The following VSIG10L2 variants were observed in gnomAD, a reference collection of about 807,000 sequenced individuals.
The protein encoded by VSIG10L2 is V-set and immunoglobulin domain containing 10 like 2, also known as V-set and immunoglobulin domain-containing protein 10-like 2.
VSIG10L2 carries 56 observed loss-of-function variants against 67.1 expected under a neutral mutation model. The observed-to-expected ratio is 0.83, with a 90% CI of 0.67 to 1.04. The LOEUF (loss-of-function observed/expected upper bound fraction) is 1.04, where lower values mean the gene tolerates loss of function less well. Ranked by LOEUF, VSIG10L2 falls within the 50% of genes least tolerant of loss-of-function variation. VSIG10L2 has a pLI of 0.00. For synonymous variants in VSIG10L2, 360 were observed against 396.6 expected (o/e 0.91, Z 1.10); for missense variants, 843 against 932.8 (o/e 0.90, Z 1.25).
chr11:125,955,910 C>T lies in VSIG10L2; in HGVS notation c.2378C>T (p.Pro793Leu). 1 of 661,910 alleles carries T rather than the reference C, an allele frequency of 1.5e-6. No homozygotes were observed. The highest frequency in any genetic ancestry group is 2.7e-6 in the Non-Finnish European group (1 of 367,778). The allele number at this position is 661,910 out of a possible 1,614,324, so 41.0% of individuals were successfully genotyped here. Reference sequence around the variant, plus strand: ...GTCACCATCACAGTGACTGCAACACCATAAGGCCCAAAGAGGAAGATGCAA... The same window carrying T: ...GTCACCATCACAGTGACTGCAACACTATAAGGCCCAAAGAGGAAGATGCAA... ...VNVTITVTAT[P>L] The change falls in exon 12 of 12, where the codon CCA (proline) becomes CTA (leucine). Residue 793 changes from proline (P) to leucine (L), a missense_variant. Pro to Leu is a moderately conservative substitution (Grantham distance 98). Around this residue, in one of 2 missense-constraint regions of VSIG10L2, gnomAD observed 397 missense variants for 384.4 expected, o/e 1.03. Transcript: ENST00000686984.
chr11:125,955,389 C>A (rs1383939746), intron 9 of VSIG10L2, among the ~76,000 whole-genome samples, 93 bp from the exon 10 acceptor site: 1 of 152,208 alleles, frequency 6.6e-6, no homozygotes, highest in African/African-American at 2.4e-5. Context: ...TCCTGAGGCC[C>A]TAGTACAGAG....
At chr11:125,948,653 C>T (rs1401552288) in intron 3 of VSIG10L2, 73 bp downstream of exon 3, 7 of 1,221,640 alleles carry the variant, frequency 5.7e-6, no homozygotes, top group Non-Finnish European at 7.1e-6. Flanking sequence ...CCTTCCACAC[C>T]TCAGAACTCC....
intron 1 of VSIG10L2, chr11:125,947,394 G>GA: frequency 2.0e-6 from 2 of 985,010 alleles, no homozygotes; most frequent in Non-Finnish European, 2.4e-6. Flanking sequence ...TGACGTCCAC[G>GA]AATCTGCCTT....
Position 125,955,283 on chromosome 11 carries a change from G to C in VSIG10L2, c.2206+104G>C, listed in dbSNP as rs898667303. On this transcript the variant is annotated intron_variant, in intron 9 of 11. Transcript: ENST00000686984. ...GCACTCCCGGGGGAGAAGAATCTAGGCTCTTCCTTAATTCAGACCCTCTCC... is the reference window on the plus strand; with the variant it reads ...GCACTCCCGGGGGAGAAGAATCTAGCCTCTTCCTTAATTCAGACCCTCTCC... The C allele has an allele frequency of 1.2e-5, 16 of 1,300,082 alleles. No individual in the cohort carries two copies. In the African/African-American group the frequency reaches 2.4e-4, roughly 20 times the overall value. 80.5% of individuals were successfully genotyped at this position (1,300,082 alleles called of 1,614,324 possible). A position where few individuals can be genotyped will look rare whatever the true frequency, so the allele number is the denominator to read the frequency against.
chr11:125,956,289 C>G lies in VSIG10L2; in HGVS notation c.*375C>G, dbSNP rs754334670. 3.1e-6 allele frequency: 2 copies of G among 635,790 alleles called. No individual in the cohort carries two copies. Among genetic ancestry groups the G allele is most frequent in the Middle Eastern group, 5.7e-4 (2 of 3,512 alleles). 39.4% of individuals were successfully genotyped at this position (635,790 alleles called of 1,614,324 possible). On this transcript the variant is annotated 3_prime_UTR_variant, in exon 12 of 12. Transcript: ENST00000686984. ...AAAAAGTCTGTGGATGGAGCAATTC[C>G]TAAATAAATCAGAGCTGATGTTCAC...
In VSIG10L2 at chr11:125,951,011, T is replaced by G; in HGVS notation, c.1087T>G (p.Trp363Gly). Residue 363 changes from tryptophan (W) to glycine (G), a missense_variant, in exon 5 of 12, where the codon TGG becomes GGG. Coordinates refer to ENST00000686984, the MANE Select transcript of VSIG10L2 (RefSeq NM_001365077.2). ...PGGLPPAQLQ[W>G]EGPQGPGPTA... Reference sequence around the variant, plus strand: ...GGGGCTTCCGCCTGCCCAACTGCAGTGGGAAGGGCCTCAGGGACCTGGCCC... The same window carrying G: ...GGGGCTTCCGCCTGCCCAACTGCAGGGGGAAGGGCCTCAGGGACCTGGCCC... The G allele has an allele frequency of 1.6e-6, 2 of 1,232,344 alleles. No individual in the cohort carries two copies. Among genetic ancestry groups the G allele is most frequent in the Non-Finnish European group, 2.0e-6 (2 of 988,162 alleles). The allele number at this position is 1,232,344 out of a possible 1,614,324, so 76.3% of individuals were successfully genotyped here. A position where few individuals can be genotyped will look rare whatever the true frequency, so the allele number is the denominator to read the frequency against.
rs539833389 is a variant in VSIG10L2 at position 125,954,279 on chromosome 11, G to A, written c.1979G>A (p.Arg660Gln). Reference sequence around the variant, plus strand: ...GCTAGTGACATCGAGCCAGAGAGCCGAGGACGGCGGCTGGGGGGCTTGGAC... The same window carrying A: ...GCTAGTGACATCGAGCCAGAGAGCCAAGGACGGCGGCTGGGGGGCTTGGAC... ...TAASDIEPES[R>Q]GRRLGGLDPG... Residue 660 changes from arginine (R) to glutamine (Q), a missense_variant, in exon 8 of 12, where the codon CGA becomes CAA. This residue lies in a region of VSIG10L2 where 397 missense variants were observed against 384.4 expected (regional missense o/e 1.03). Transcript: ENST00000686984. 4.1e-5 allele frequency: 51 copies of A among 1,232,132 alleles called. 1 individual carries two copies. The highest frequency in any genetic ancestry group is 8.4e-5 in the Admixed American group (2 of 23,696). The allele number at this position is 1,232,132 out of a possible 1,614,324, so 76.3% of individuals were successfully genotyped here.
chr11:125,947,323 T>C (rs1945311717), intron 1 of VSIG10L2: 5 of 596,406 alleles, frequency 8.4e-6, no homozygotes, highest in Non-Finnish European at 1.1e-5. Context: ...GTTACAAATA[T>C]GGATTCCTGG....
intron 6 of VSIG10L2, among the ~76,000 whole-genome samples, chr11:125,952,347 AAAG>A (rs557472559): frequency 3.0e-4 from 45 of 152,378 alleles, no homozygotes; most frequent in East Asian, 7.7e-4. Flanking sequence ...CCACATTTAA[AAAG>A]AAGAAGAAAC....
intron 3 of VSIG10L2, 70 bp downstream of exon 3, chr11:125,948,650 C>T (rs1301889051): frequency 8.2e-7 from 1 of 1,222,456 alleles, no homozygotes; most frequent in Non-Finnish European, 1.0e-6. Flanking sequence ...CAGCCTTCCA[C>T]ACCTCAGAAC....
intron 3 of VSIG10L2, among the ~76,000 whole-genome samples, chr11:125,949,595 A>C (rs1465682866): frequency 6.6e-6 from 1 of 152,186 alleles, no homozygotes; most frequent in East Asian, 1.9e-4. Context: ...GGGAAGGTGG[A>C]GTCCAAGGAA....
chr11:125,951,817 G>A lies in VSIG10L2; in HGVS notation c.1239G>A (p.Glu413=). The change falls in exon 6 of 12, where the codon GAG becomes GAA. Residue 413 remains glutamate (E), a synonymous_variant. Coordinates refer to ENST00000686984, the MANE Select transcript of VSIG10L2 (RefSeq NM_001365077.2). ...PPALCTVMLW[E]PLGRPTCWST... is the part of the protein sequence containing the mutation. ...CTGAGCCATCATTCCTTCCAGGGGA[G>A]CCTCTCGGGAGGCCTACCTGCTGGA... The A allele has an allele frequency of 6.7e-7, 1 of 1,498,048 alleles. No homozygotes were observed. Among genetic ancestry groups the A allele is most frequent in the Non-Finnish European group, 8.9e-7 (1 of 1,124,748 alleles). The allele number at this position is 1,498,048 out of a possible 1,614,324, so 92.8% of individuals were successfully genotyped here. A position where few individuals can be genotyped will look rare whatever the true frequency, so the allele number is the denominator to read the frequency against.
chr11:125,950,683 T>A (rs7941400), intron 4 of VSIG10L2, among the ~76,000 whole-genome samples: 1 of 152,074 alleles, frequency 6.6e-6, no homozygotes, highest in African/African-American at 2.4e-5. Context: ...CTGGGATTCC[T>A]TGGGGACTCC....
chr11:125,947,973 G>A lies in VSIG10L2; in HGVS notation c.370G>A (p.Val124Ile). Residue 124 changes from valine (V) to isoleucine (I), a missense_variant, in exon 2 of 12, where the codon GTT (valine) becomes ATT (isoleucine). By Grantham distance (29) the Val-to-Ile change is conservative. This residue lies in a region of VSIG10L2 where 446 missense variants were observed against 548.4 expected (regional missense o/e 0.81). Coordinates refer to ENST00000686984, the MANE Select transcript of VSIG10L2 (RefSeq NM_001365077.2). ...EGARGHFLCQ[V>I]LHVAGGQLHA... The stretch of plus-strand genomic sequence containing the variant: ...TGCCCGTGGCCACTTCCTATGCCAG[G>A]TTCTGCACGTGGCTGGCGGCCAGCT... 1 of 1,232,294 alleles carries A rather than the reference G, an allele frequency of 8.1e-7. No individual in the cohort carries two copies. Among genetic ancestry groups the A allele is most frequent in the Non-Finnish European group, 1.0e-6 (1 of 988,056 alleles). The allele number at this position is 1,232,294 out of a possible 1,614,324, so 76.3% of individuals were successfully genotyped here.
In VSIG10L2 at chr11:125,954,131, G is replaced by C; in HGVS notation, c.1831G>C (p.Gly611Arg). The part of the protein sequence containing the change: ...PNVTISRLTY[G>R]RHRREVQLQW... The stretch of plus-strand genomic sequence containing the variant: ...TGTCACCATCAGCCGCCTGACCTAC[G>C]GGAGGCACCGGAGAGAGGTGCAGCT... Residue 611 changes from glycine (G) to arginine (R), a missense_variant, in exon 8 of 12, where the codon GGG becomes CGG. Physicochemically the swap from Gly to Arg is moderately radical, Grantham distance 125. Coordinates refer to ENST00000686984, the MANE Select transcript of VSIG10L2 (RefSeq NM_001365077.2). The C allele has an allele frequency of 2.4e-6, 3 of 1,232,256 alleles. No individual in the cohort carries two copies. The highest frequency in any genetic ancestry group is 3.0e-6 in the Non-Finnish European group (3 of 988,076). 76.3% of individuals were successfully genotyped at this position (1,232,256 alleles called of 1,614,324 possible).
chr11:125,953,035 G>A (rs1347558686), intron 6 of VSIG10L2, among the ~76,000 whole-genome samples: 2 of 152,202 alleles, frequency 1.3e-5, no homozygotes, highest in Non-Finnish European at 2.9e-5. Flanking sequence ...CCAGCACTAT[G>A]CCTGGAGCCA....
chr11:125,951,719 G>T (rs986259105), intron 5 of VSIG10L2, 94 bp from the exon 6 acceptor site: 122 of 1,248,538 alleles, frequency 9.8e-5, no homozygotes, highest in Admixed American at 4.1e-4. Context: ...AAGGAAGGAG[G>T]GAGTGAAGGA....
chr11:125,951,963 C>A lies in VSIG10L2; in HGVS notation c.1385C>A (p.Ser462Ter), dbSNP rs1318313876. ...QQQPLGGSSSSMAVHLLQAQE... is the reference protein window; with the variant it reads ...QQQPLGGSSS The stretch of plus-strand genomic sequence containing the variant: ...CAGCCCCTGGGCGGCAGCAGCTCCT[C>A]GATGGCCGTTCACCTCCTGCAGGCC... Residue 462 changes from serine (S) to a stop codon, truncating the protein, a stop_gained, in exon 6 of 12, where the codon TCG (serine) becomes TAG (stop). Coordinates refer to ENST00000686984, the MANE Select transcript of VSIG10L2 (RefSeq NM_001365077.2). LOFTEE classifies it high-confidence loss of function. 1.3e-6 allele frequency: 2 copies of A among 1,536,138 alleles called. No individual in the cohort carries two copies. The highest frequency in any genetic ancestry group is 1.7e-6 in the Non-Finnish European group (2 of 1,146,886).
intron 4 of VSIG10L2, among the ~76,000 whole-genome samples, chr11:125,950,589 C>T (rs887436119): frequency 2.0e-5 from 3 of 152,132 alleles, no homozygotes; most frequent in Non-Finnish European, 4.4e-5. Flanking sequence ...CAGAGAAGGG[C>T]GATGGCAGTG....
Sources: gnomAD v4.1 joint callset for allele counts (sites outside exome capture counted in the v4.1 genomes callset) on GRCh38, gnomAD v4.1.1 for gene constraint, gnomAD v4.1.1 regional missense constraint, MANE v1.5 for transcripts, NCBI Gene and HGNC (gene_info 2026-07-23, HGNC 2026-07-21) for gene names.